NT5C2: variants seen among roughly 807,000 people sequenced by gnomAD.
NT5C2 encodes the protein 5'-nucleotidase, cytosolic II, also known as cytosolic purine 5'-nucleotidase.
In NT5C2, 58 loss-of-function variants were observed where a neutral mutation model predicts 76.1. The observed-to-expected ratio is 0.76, with a 90% CI of 0.62 to 0.95. The LOEUF is 0.95. Among genes scored for constraint, NT5C2 ranks in the 40% least tolerant of loss-of-function variants. The pLI is 0.00. For synonymous variants in NT5C2, 229 were observed against 237.4 expected (o/e 0.96, Z 0.32); for missense variants, 478 against 690.3 (o/e 0.69, Z 3.45).
At chr10:103,126,451 A>C (rs954222815) in intron 4 of NT5C2, among the ~76,000 whole-genome samples, 5 of 152,090 alleles carry the variant, frequency 3.3e-5, no homozygotes, top group Admixed American at 6.6e-5. Flanking sequence ...GTGAAACCCT[A>C]TCTCTACAAA....
At chr10:103,191,382 CAAA>C (rs768556332) in intron 1 of NT5C2, among the ~76,000 whole-genome samples, 2 of 66,836 alleles carry the variant, frequency 3.0e-5, no homozygotes, top group African/African-American at 6.1e-5. Flanking sequence ...AGCTCCGTCT[CAAA>C]AAAAAAAAAA....
chr10:103,129,572 G>GT, intron 4 of NT5C2, among the ~76,000 whole-genome samples: 1 of 130,766 alleles, frequency 7.6e-6, no homozygotes, highest in Non-Finnish European at 1.7e-5. Flanking sequence ...CGGGAGGGAG[G>GT]TGGGGGTGTC....
intron 3 of NT5C2, among the ~76,000 whole-genome samples, chr10:103,150,277 T>C (rs1374750230): frequency 1.3e-5 from 2 of 152,228 alleles, no homozygotes; most frequent in African/African-American, 4.8e-5. Context: ...GTAGTTTTCA[T>C]ATAAATGGAA....
At chr10:103,115,337 G>A (rs956034338) in intron 4 of NT5C2, among the ~76,000 whole-genome samples, 9 of 152,188 alleles carry the variant, frequency 5.9e-5, no homozygotes, top group African/African-American at 2.2e-4. Context: ...GGGAGGCGGA[G>A]GTTGCAGTGA....
chr10:103,091,689 A>G lies in NT5C2; in HGVS notation c.1160-74T>C, dbSNP rs1047583683. On this transcript the variant is annotated intron_variant, in intron 15 of 18. Transcript: ENST00000404739. ...CCTAGTTCTTAACTGCTGCTAAACT[A>G]AAAGGTTGCAGATGTGACTGGAAAG... The G allele has an allele frequency of 1.4e-4, 180 of 1,259,260 alleles. 1 individual carries two copies. Among genetic ancestry groups the G allele is most frequent in the Non-Finnish European group, 8.2e-5 (71 of 864,238 alleles). The allele number at this position is 1,259,260 out of a possible 1,614,324, so 78.0% of individuals were successfully genotyped here. A position where few individuals can be genotyped will look rare whatever the true frequency, so the allele number is the denominator to read the frequency against.
At chr10:103,102,442 C>T (rs1167884111) in intron 6 of NT5C2, among the ~76,000 whole-genome samples, 2 of 152,252 alleles carry the variant, frequency 1.3e-5, no homozygotes, top group East Asian at 3.9e-4. Context: ...GGTCACCCAC[C>T]AGCTAACCAC....
intron 10 of NT5C2, chr10:103,098,026 A>C (rs1315140341): frequency 1.9e-6 from 1 of 528,784 alleles, no homozygotes; most frequent in East Asian, 5.5e-5. Context: ...AAGCACAAAA[A>C]CTGAAAACAA....
At chr10:103,130,753 G>C (rs2078016738) in intron 4 of NT5C2, among the ~76,000 whole-genome samples, 1 of 151,566 alleles carries the variant, frequency 6.6e-6, no homozygotes, top group African/African-American at 2.4e-5. Flanking sequence ...ATCAACTCCA[G>C]CATTTAACAT....
At chr10:103,141,817 T>TA (rs2080472674) in intron 3 of NT5C2, among the ~76,000 whole-genome samples, 1 of 152,204 alleles carries the variant, frequency 6.6e-6, no homozygotes. Flanking sequence ...TCATGAAACT[T>TA]ATATTGTAAT....
At position 103,088,518 on chromosome 10, in the gene NT5C2, G is replaced by A. The variant is rs2065979220; in HGVS notation, c.*1154C>T. On this transcript the variant is annotated 3_prime_UTR_variant, in exon 19 of 19. Transcript: ENST00000404739. Reference sequence around the variant, plus strand: ...TCCTGCCTCAGCCTCCTGAGTAGATGATGGGATTACAGGCATGCACCACCA... The same window carrying A: ...TCCTGCCTCAGCCTCCTGAGTAGATAATGGGATTACAGGCATGCACCACCA... 1 of 152,514 alleles carries A rather than the reference G, an allele frequency of 6.6e-6. No homozygotes were observed. Among genetic ancestry groups the A allele is most frequent in the Non-Finnish European group, 1.5e-5 (1 of 68,246 alleles). 9.4% of individuals were successfully genotyped at this position (152,514 alleles called of 1,614,324 possible).
chr10:103,108,177 G>T (rs2135339775), intron 4 of NT5C2, among the ~76,000 whole-genome samples: 1 of 152,106 alleles, frequency 6.6e-6, no homozygotes, highest in South Asian at 2.1e-4. Flanking sequence ...GAAAAGAAAA[G>T]AAAATGTTGC....
At chr10:103,170,668 G>A (rs934857685) in intron 3 of NT5C2, among the ~76,000 whole-genome samples, 2 of 151,398 alleles carry the variant, frequency 1.3e-5, no homozygotes, top group Non-Finnish European at 2.9e-5. Flanking sequence ...GTCCACAGGC[G>A]TAAGCCACCA....
intron 1 of NT5C2, among the ~76,000 whole-genome samples, chr10:103,185,665 G>GAAAAAAAAAAAAAAAAAAAAAA (rs75386040): frequency 8.6e-6 from 1 of 116,416 alleles, no homozygotes. Context: ...AAAAAAAAAG[G>GAAAAAAAAAAAAAAAAAAAAAA]AAAAAAAAAA....
At chr10:103,097,455 G>T in intron 10 of NT5C2, 81 bp from the exon 11 acceptor site, 1 of 1,191,766 alleles carries the variant, frequency 8.4e-7, no homozygotes, top group Non-Finnish European at 1.2e-6. Flanking sequence ...CTGGATTTCT[G>T]TCCACAACAG....
intron 2 of NT5C2, 55 bp from the exon 3 acceptor site, chr10:103,175,037 A>T: frequency 1.0e-6 from 1 of 998,430 alleles, no homozygotes; most frequent in Non-Finnish European, 1.5e-6. Context: ...GTATACTGAC[A>T]TCTGATTTTT....
chr10:103,115,807 C>A (rs927673165), intron 4 of NT5C2, among the ~76,000 whole-genome samples: 14 of 151,864 alleles, frequency 9.2e-5, no homozygotes, highest in African/African-American at 3.4e-4. Flanking sequence ...ATAATATACA[C>A]CTAAAATATG....
chr10:103,192,914 G>A (rs1168411169), intron 1 of NT5C2, among the ~76,000 whole-genome samples: 1 of 152,192 alleles, frequency 6.6e-6, no homozygotes, highest in Non-Finnish European at 1.5e-5. Context: ...GGGAGGCTGA[G>A]GCGGGGTCCC....
intron 13 of NT5C2, 50 bp from the exon 14 acceptor site, chr10:103,094,088 C>T (rs761985033): frequency 1.4e-6 from 2 of 1,473,946 alleles, no homozygotes; most frequent in East Asian, 2.3e-5. Flanking sequence ...TATCACAATC[C>T]TCCCCTCACC....
At chr10:103,111,509 T>C (rs1028937893) in intron 4 of NT5C2, among the ~76,000 whole-genome samples, 2 of 152,140 alleles carry the variant, frequency 1.3e-5, no homozygotes, top group Non-Finnish European at 2.9e-5. Context: ...AGGATGAAAG[T>C]TGTGGGCTCT....
Sources: allele counts gnomAD v4.1 joint callset (sites outside exome capture counted in the v4.1 genomes callset), GRCh38; gene constraint gnomAD v4.1.1; transcripts MANE v1.5; gene names NCBI Gene and HGNC (gene_info 2026-07-23, HGNC 2026-07-21).